Variants in GPAT4 observed in about 807,000 individuals in gnomAD.
GPAT4 encodes the protein 1-AGP acyltransferase 6.
A neutral mutation model predicts 58.0 loss-of-function variants in GPAT4; 17 were observed. The observed-to-expected ratio is 0.29, with a 90% confidence interval of 0.20 to 0.44. The LOEUF (loss-of-function observed/expected upper bound fraction) is 0.44, where lower values mean the gene tolerates loss of function less well. Among genes scored for constraint, GPAT4 ranks in the 20% least tolerant of loss-of-function variants. GPAT4 has a pLI of 1.00. For missense variants in GPAT4, 377 were observed against 574.5 expected, an observed-to-expected ratio of 0.66 and a Z score of 3.51; for synonymous variants, 204 against 210.1, an observed-to-expected ratio of 0.97 and a Z score of 0.25.
chr8:41,603,423 G>A (rs879659512), intron 2 of GPAT4, among the ~76,000 whole-genome samples: 2 of 151,648 alleles, frequency 1.3e-5, no homozygotes, highest in Non-Finnish European at 2.9e-5. Flanking sequence ...CTACTCGGGA[G>A]GCTGAAGCAG....
At chr8:41,605,451 C>T (rs558853939) in intron 2 of GPAT4, among the ~76,000 whole-genome samples, 7 of 152,324 alleles carry the variant, frequency 4.6e-5, no homozygotes, top group South Asian at 2.1e-4. Flanking sequence ...TTAGAGATGG[C>T]ACATAGTTCA....
intron 1 of GPAT4, among the ~76,000 whole-genome samples, chr8:41,596,294 C>G (rs1236360355): frequency 6.6e-6 from 1 of 152,124 alleles, no homozygotes; most frequent in Non-Finnish European, 1.5e-5. Flanking sequence ...GTAAAAAGGG[C>G]ACACACACAC....
intron 1 of GPAT4, among the ~76,000 whole-genome samples, chr8:41,589,762 G>A (rs570837281): frequency 6.6e-6 from 1 of 152,196 alleles, no homozygotes; most frequent in Non-Finnish European, 1.5e-5. Context: ...ACTCTGGCAT[G>A]GGGGTCAAAG....
chr8:41,615,025 A>C lies in GPAT4; in HGVS notation c.1030A>C (p.Thr344Pro). The C allele has an allele frequency of 6.2e-7, 1 of 1,613,878 alleles. No individual in the cohort carries two copies. Among genetic ancestry groups the C allele is most frequent in the Non-Finnish European group, 8.5e-7 (1 of 1,179,724 alleles). ...FKKGSFEIGA[T>P]VYPVAIKYDP... ...AAAGGGAAGTTTTGAAATTGGAGCCACAGTTTACCCTGTTGCTATCAAGGT... is the reference window on the plus strand; with the variant it reads ...AAAGGGAAGTTTTGAAATTGGAGCCCCAGTTTACCCTGTTGCTATCAAGGT... Residue 344 changes from threonine to proline, a missense_variant, in exon 10 of 13, where the codon ACA becomes CCA. Coordinates refer to ENST00000396987, the MANE Select transcript of GPAT4 (RefSeq NM_178819.4).
At chr8:41,579,876 A>G (rs1181856046) in intron 1 of GPAT4, among the ~76,000 whole-genome samples, 1 of 151,940 alleles carries the variant, frequency 6.6e-6, no homozygotes, top group East Asian at 1.9e-4. Context: ...TCAGATCTGG[A>G]TGAGAACATT....
chr8:41,599,188 A>C lies in GPAT4; in HGVS notation c.49A>C (p.Ile17Leu), dbSNP rs1585660191. Residue 17 changes from isoleucine to leucine, a missense_variant, in exon 2 of 13, where the codon ATC becomes CTC. Coordinates refer to ENST00000396987, the MANE Select transcript of GPAT4 (RefSeq NM_178819.4). ...FDSLIVNLLG[I>L]SLTVLFTLLL... is the part of the protein sequence containing the mutation. ...TAGCCTGATTGTCAACCTTCTGGGCATCTCCCTGACTGTCCTCTTCACCCT... is the reference window on the plus strand; with the variant it reads ...TAGCCTGATTGTCAACCTTCTGGGCCTCTCCCTGACTGTCCTCTTCACCCT... 6.2e-7 allele frequency: 1 copy of C among 1,613,744 alleles called. No individual in the cohort carries two copies.
At chr8:41,613,367 T>C (rs887463472) in intron 8 of GPAT4, among the ~76,000 whole-genome samples, 2 of 150,992 alleles carry the variant, frequency 1.3e-5, no homozygotes, top group Non-Finnish European at 1.5e-5. Context: ...GCCTGGGCGA[T>C]AGAATGAGAC....
chr8:41,595,373 T>C (rs1292441844), intron 1 of GPAT4, among the ~76,000 whole-genome samples: 1 of 141,650 alleles, frequency 7.1e-6, no homozygotes, highest in Non-Finnish European at 1.5e-5. Flanking sequence ...ATTTCTGAAC[T>C]GGTGAGGTAT....
chr8:41,582,931 A>T (rs1344719852), intron 1 of GPAT4, among the ~76,000 whole-genome samples: 1 of 152,152 alleles, frequency 6.6e-6, no homozygotes, highest in East Asian at 1.9e-4. Flanking sequence ...ATTAAAATAT[A>T]CAAGAAATTG....
At chr8:41,578,983 T>A (rs1036847779) in intron 1 of GPAT4, among the ~76,000 whole-genome samples, 1 of 152,206 alleles carries the variant, frequency 6.6e-6, no homozygotes, top group African/African-American at 2.4e-5. Flanking sequence ...TTCTCATGGA[T>A]AACCTTGAGG....
chr8:41,612,383 C>A, intron 7 of GPAT4, 110 bp downstream of exon 7: 2 of 1,053,098 alleles, frequency 1.9e-6, no homozygotes, highest in South Asian at 1.5e-5. Flanking sequence ...GTGGGCCAGG[C>A]CCCCACCTTA....
intron 1 of GPAT4, among the ~76,000 whole-genome samples, chr8:41,590,743 C>T (rs1031044450): frequency 1.3e-5 from 2 of 152,186 alleles, no homozygotes; most frequent in Non-Finnish European, 2.9e-5. Context: ...TGACCCAGCA[C>T]CACTGAATAG....
intron 1 of GPAT4, among the ~76,000 whole-genome samples, chr8:41,595,721 C>CT (rs1203783374): frequency 6.6e-6 from 1 of 152,102 alleles, no homozygotes; most frequent in South Asian, 2.1e-4. Flanking sequence ...CTTTCTCTCT[C>CT]TTTGACTTTT....
intron 2 of GPAT4, among the ~76,000 whole-genome samples, chr8:41,602,202 G>A (rs111909313): frequency 2.6e-5 from 4 of 152,278 alleles, no homozygotes; most frequent in African/African-American, 7.2e-5. Flanking sequence ...TGATCCATCC[G>A]ACTCAGTCTT....
At chr8:41,614,270 CTTG>C (rs1803530771) in intron 8 of GPAT4, 113 bp from the exon 9 acceptor site, 2 of 837,480 alleles carry the variant, frequency 2.4e-6, no homozygotes, top group East Asian at 5.4e-5. Context: ...TACAGTTATG[CTTG>C]TTAACTTTTT....
chr8:41,606,057 A>G (rs1803261098), intron 2 of GPAT4, among the ~76,000 whole-genome samples: 1 of 152,178 alleles, frequency 6.6e-6, no homozygotes, highest in African/African-American at 2.4e-5. Flanking sequence ...ATCTTGCCCT[A>G]TGCATCTCTT....
At chr8:41,614,557 A>G in intron 9 of GPAT4, 116 bp downstream of exon 9, 1 of 1,031,678 alleles carries the variant, frequency 9.7e-7, no homozygotes, top group Non-Finnish European at 1.5e-6. Context: ...TTTTCACTGA[A>G]TAATGTTAGG....
At chr8:41,582,674 AGTGT>A (rs34365074) in intron 1 of GPAT4, among the ~76,000 whole-genome samples, 4 of 142,586 alleles carry the variant, frequency 2.8e-5, no homozygotes, top group East Asian at 2.2e-4. Context: ...AGAGAGAGAG[AGTGT>A]GTGTGTGTGT....
intron 10 of GPAT4, among the ~76,000 whole-genome samples, chr8:41,616,514 A>G (rs1338393321): frequency 6.6e-6 from 1 of 152,164 alleles, no homozygotes; most frequent in Non-Finnish European, 1.5e-5. Context: ...AGACTGATCT[A>G]GAACTCCTGG....
Sources: gnomAD v4.1 joint callset for allele counts (sites outside exome capture counted in the v4.1 genomes callset) on GRCh38, gnomAD v4.1.1 for gene constraint, MANE v1.5 for transcripts, NCBI Gene and HGNC (gene_info 2026-07-23, HGNC 2026-07-21) for gene names.